CENPH: variants seen among roughly 807,000 people sequenced by gnomAD.
The protein encoded by CENPH is centromere protein H.
CENPH carries 40 observed loss-of-function variants against 42.9 expected under a neutral mutation model. The ratio of observed to expected loss-of-function variants is 0.93; its 90% CI spans 0.72 to 1.21. The LOEUF (loss-of-function observed/expected upper bound fraction) is 1.21, where lower values mean the gene tolerates loss of function less well. Among genes scored for constraint, CENPH ranks in the 50% most tolerant of loss-of-function variants. The pLI is 0.00. For missense variants in CENPH, 302 were observed against 292.9 expected (o/e 1.03, Z -0.23); for synonymous variants, 88 against 96.5 (o/e 0.91, Z 0.52).
chr5:69,209,664 T>C, intron 8 of CENPH, 43 bp from the exon 9 acceptor site: 1 of 929,062 alleles, frequency 1.1e-6, no homozygotes. Flanking sequence ...TTGTTAAATT[T>C]TTAAAGTACT....
intron 8 of CENPH, among the ~76,000 whole-genome samples, chr5:69,208,893 C>G (rs149642831): frequency 3.0e-4 from 45 of 152,018 alleles, no homozygotes; most frequent in African/African-American, 1.0e-3. Context: ...CTCCTGGGTT[C>G]AAGCGATTCT....
intron 7 of CENPH, 113 bp downstream of exon 7, chr5:69,203,083 T>A: frequency 1.4e-6 from 1 of 734,450 alleles, no homozygotes; most frequent in South Asian, 1.7e-5. Context: ...CCAAAATTCC[T>A]TAAAATTTTT....
Position 69,191,882 on chromosome 5 carries a change from G to GTTGT in CENPH, c.190+47_190+50dup, listed in dbSNP as rs565965874. 809 of 1,307,772 alleles carry GTTGT rather than the reference G, an allele frequency of 6.2e-4. 9 individuals are homozygous for GTTGT. The African/African-American group carries it at 0.01, about 16-fold the overall frequency. The allele number at this position is 1,307,772 out of a possible 1,614,324, so 81.0% of individuals were successfully genotyped here. A position where few individuals can be genotyped will look rare whatever the true frequency, so the allele number is the denominator to read the frequency against. On this transcript the variant is annotated intron_variant, in intron 2 of 8. Transcript: ENST00000283006. ...ATTTTCATTTTCAAATTAGGGTTTT[G>GTTGT]TTGTTTGTTTGTTTGTTTTTTTGAG...
intron 3 of CENPH, among the ~76,000 whole-genome samples, chr5:69,195,151 C>T (rs1034030016): frequency 1.4e-4 from 21 of 152,244 alleles, no homozygotes; most frequent in Non-Finnish European, 2.9e-4. Context: ...ATTGCTTGAA[C>T]CCGGGAGGCG....
intron 6 of CENPH, 21 bp from the exon 7 acceptor site, chr5:69,202,898 C>T (rs1482670886): frequency 1.2e-5 from 18 of 1,483,000 alleles, no homozygotes; most frequent in Non-Finnish European, 1.7e-5. Context: ...TGTGCTTTAA[C>T]TTTTTTATTT....
Position 69,194,682 on chromosome 5 carries a change from A to G in CENPH, c.226A>G (p.Lys76Glu), listed in dbSNP as rs754961551. 2 of 1,582,314 alleles carry G rather than the reference A, an allele frequency of 1.3e-6. No individual in the cohort carries two copies. Among genetic ancestry groups the G allele is most frequent in the Non-Finnish European group, 1.7e-6 (2 of 1,160,590 alleles). ...EKTPEQIMQE[K>E]QIEAKIEDLE... Reference sequence around the variant, plus strand: ...AACTCCAGAACAAATTATGCAAGAAAAGCAAATCGAAGCGTATGTTATATT... The same window carrying G: ...AACTCCAGAACAAATTATGCAAGAAGAGCAAATCGAAGCGTATGTTATATT... Residue 76 changes from lysine to glutamate, a missense_variant, in exon 3 of 9, where the codon AAG becomes GAG. By Grantham distance (56) the Lys-to-Glu change is moderately conservative. Transcript: ENST00000283006.
rs1748218229 is a variant in CENPH, at chr5:69,209,841, C to A, written c.*42C>A. On this transcript the variant is annotated 3_prime_UTR_variant, in exon 9 of 9. Transcript: ENST00000283006. ...ACATATTTTACATTTCTGGCAATCT[C>A]AACTCTTATTTGGAATACTTCTGTG... 2.7e-6 allele frequency: 3 copies of A among 1,129,566 alleles called. No individual in the cohort carries two copies. In the South Asian group the frequency reaches 3.9e-5, roughly 15 times the overall value. 70.0% of individuals were successfully genotyped at this position (1,129,566 alleles called of 1,614,324 possible). A position where few individuals can be genotyped will look rare whatever the true frequency, so the allele number is the denominator to read the frequency against.
At chr5:69,190,178 C>T (rs1413981622) in intron 1 of CENPH, among the ~76,000 whole-genome samples, 2 of 152,154 alleles carry the variant, frequency 1.3e-5, no homozygotes, top group Non-Finnish European at 1.5e-5. Context: ...GTTATAAATT[C>T]TACTAAGCGG....
Position 69,203,964 on chromosome 5 carries a change from A to G in CENPH, c.487+994A>G, listed in dbSNP as rs1480947337. On this transcript the variant is annotated intron_variant, in intron 7 of 8. Transcript: ENST00000283006. ...TTTCCATATCCATATAAACATTTATATGGACATGGAAATTTCTATATATAT... is the reference window on the plus strand; with the variant it reads ...TTTCCATATCCATATAAACATTTATGTGGACATGGAAATTTCTATATATAT... Among the ~76,000 whole-genome samples the G allele has an allele frequency of 2.1e-5, 3 of 142,382 alleles. No individual in the cohort carries two copies. In the East Asian group the frequency reaches 6.2e-4, roughly 29 times the overall value. The allele number at this position is 142,382 out of a possible 152,430, so 93.4% of individuals were successfully genotyped here.
At position 69,208,205 on chromosome 5, in the gene CENPH, A is replaced by C; in HGVS notation, c.497A>C (p.Gln166Pro). ...DIRKKRLQLK[Q>P]ASESKLLEIQ... is the part of the protein sequence containing the mutation. ...ATTTTTAACCTAACAGAATTAAAAC[A>C]AGCTTCAGAAAGTAAGCTTTTAGAA... The change falls in exon 8 of 9, where the codon CAA (glutamine) becomes CCA (proline). Residue 166 changes from glutamine (Q) to proline (P), a missense_variant. Coordinates refer to ENST00000283006, the MANE Select transcript of CENPH (RefSeq NM_022909.4). 6.5e-7 allele frequency: 1 copy of C among 1,538,252 alleles called. No homozygotes were observed. Among genetic ancestry groups the C allele is most frequent in the Non-Finnish European group, 8.9e-7 (1 of 1,118,386 alleles).
At chr5:69,201,634 G>A (rs1248825099) in intron 5 of CENPH, among the ~76,000 whole-genome samples, 1 of 152,150 alleles carries the variant, frequency 6.6e-6, no homozygotes. Flanking sequence ...TGAAGAGGGA[G>A]GATTGCTTCA....
chr5:69,197,072 C>A lies in CENPH; in HGVS notation c.334C>A (p.Leu112Ile). 1 of 1,575,422 alleles carries A rather than the reference C, an allele frequency of 6.3e-7. No individual in the cohort carries two copies. Among genetic ancestry groups the A allele is most frequent in the Non-Finnish European group, 8.6e-7 (1 of 1,167,880 alleles). ...TCATAGGATGAGACTTTCAACTGCA[C>A]TTAAAAAAAACCTGGAGAAAATTAG... The part of the protein sequence containing the change: ...ALDRMRLSTA[L>I]KKNLEKISRQ... Residue 112 changes from leucine (L) to isoleucine (I), a missense_variant, in exon 5 of 9, where the codon CTT (leucine) becomes ATT (isoleucine). Transcript: ENST00000283006.
intron 5 of CENPH, among the ~76,000 whole-genome samples, chr5:69,200,992 CCTT>C (rs1748052562): frequency 2.0e-5 from 3 of 150,642 alleles, no homozygotes; most frequent in Admixed American, 6.6e-5. Context: ...CTGTACCTGA[CCTT>C]TTTTTTTTTT....
intron 4 of CENPH, among the ~76,000 whole-genome samples, chr5:69,196,012 C>T (rs1337949410): frequency 6.6e-6 from 1 of 152,176 alleles, no homozygotes; most frequent in African/African-American, 2.4e-5. Context: ...GATCACTGCT[C>T]ACTGTAGCCT....
Position 69,209,735 on chromosome 5 carries a change from G to C in CENPH, c.680G>C (p.Trp227Ser), listed in dbSNP as rs1748216817. 1 of 1,602,960 alleles carries C rather than the reference G, an allele frequency of 6.2e-7. No individual in the cohort carries two copies. Among genetic ancestry groups the C allele is most frequent in the Admixed American group, 1.7e-5 (1 of 59,366 alleles). The change falls in exon 9 of 9, where the codon TGG (tryptophan) becomes TCG (serine). Residue 227 changes from tryptophan (W) to serine (S), a missense_variant. Transcript: ENST00000283006. The part of the protein sequence containing the change: ...QNLILGSKVN[W>S]AEDPALKEIV... ...CTTATTTTGGGGAGTAAAGTCAATT[G>C]GGCAGAGGATCCTGCCCTTAAGGAA...
intron 1 of CENPH, 69 bp downstream of exon 1, chr5:69,189,837 G>T (rs1678329378): frequency 7.1e-7 from 1 of 1,405,128 alleles, no homozygotes; most frequent in African/African-American, 1.5e-5. Context: ...CCCTTGCTCA[G>T]AAGGGCTAGG....
chr5:69,205,858 G>A (rs1030332631), intron 7 of CENPH, among the ~76,000 whole-genome samples: 1 of 151,524 alleles, frequency 6.6e-6, no homozygotes, highest in African/African-American at 2.4e-5. Context: ...ACAGGCACCC[G>A]CCACCACGCC....
intron 2 of CENPH, among the ~76,000 whole-genome samples, chr5:69,192,952 TG>T (rs1444222943): frequency 6.7e-6 from 1 of 148,396 alleles, no homozygotes; most frequent in Non-Finnish European, 1.5e-5. Context: ...CAAAATTAGC[TG>T]GGCGTGGTGG....
In CENPH at chr5:69,202,878, C is replaced by T. The variant is rs778862458; in HGVS notation, c.436-41C>T. On this transcript the variant is annotated intron_variant, in intron 6 of 8. Transcript: ENST00000283006. ...TTTAAGTATTACAGGTTTGTCCTTA[C>T]ATACAGTAATGTGCTTTAACTTTTT... 4.1e-6 allele frequency: 5 copies of T among 1,231,904 alleles called. No individual in the cohort carries two copies. In the South Asian group the frequency reaches 6.4e-5, roughly 16 times the overall value. The allele number at this position is 1,231,904 out of a possible 1,614,324, so 76.3% of individuals were successfully genotyped here.
Sources: gnomAD v4.1 joint callset for allele counts (sites outside exome capture counted in the v4.1 genomes callset) on GRCh38, gnomAD v4.1.1 for gene constraint, MANE v1.5 for transcripts, NCBI Gene and HGNC (gene_info 2026-07-23, HGNC 2026-07-21) for gene names.